The following MEI4 variants were observed in gnomAD, a reference collection of about 807,000 sequenced individuals.
MEI4 encodes the protein meiotic double-stranded break formation protein 4, also known as meiosis-specific protein MEI4.
Under a neutral mutation model 31.4 loss-of-function variants are expected in MEI4, and 27 were observed. The ratio of observed to expected loss-of-function variants is 0.86; its 90% confidence interval spans 0.63 to 1.19. MEI4 has a LOEUF of 1.19. Among genes scored for constraint, MEI4 ranks in the 50% most tolerant of loss-of-function variants. MEI4 has a pLI of 0.00. For synonymous variants in MEI4, 122 were observed against 145.4 expected (o/e 0.84, Z 1.16); for missense variants, 329 against 398.9 (o/e 0.82, Z 1.49).
chr6:77,877,924 C>G (rs1771383857), intron 4 of MEI4, among the ~76,000 whole-genome samples: 1 of 151,870 alleles, frequency 6.6e-6, no homozygotes, highest in Non-Finnish European at 1.5e-5. Flanking sequence ...TGCATTGGTA[C>G]TTTTCACAAG....
intron 4 of MEI4, among the ~76,000 whole-genome samples, chr6:77,902,014 TA>T (rs1766197117): frequency 6.6e-6 from 1 of 152,118 alleles, no homozygotes; most frequent in African/African-American, 2.4e-5. Context: ...CAATTGACCA[TA>T]AATTTGTGGA....
chr6:77,831,609 C>T (rs1207450321), intron 4 of MEI4, among the ~76,000 whole-genome samples: 1 of 151,366 alleles, frequency 6.6e-6, no homozygotes, highest in Non-Finnish European at 1.5e-5. Flanking sequence ...ATTTGCAGAG[C>T]ATGGATGGAA....
At chr6:77,795,468 G>T (rs543995704) in intron 3 of MEI4, among the ~76,000 whole-genome samples, 1 of 151,814 alleles carries the variant, frequency 6.6e-6, no homozygotes, top group Admixed American at 6.6e-5. Context: ...GTACACACAC[G>T]CACATGACAA....
chr6:77,783,931 ATATAGCAAT>A (rs35123210), intron 3 of MEI4, among the ~76,000 whole-genome samples: 31,706 of 151,792 alleles, frequency 0.21, 3,726 homozygotes, highest in African/African-American at 0.32. Context: ...AATACTGAAT[ATATAGCAAT>A]TATAGCAATT....
At chr6:77,654,512 A>G (rs1256240553) in intron 1 of MEI4, among the ~76,000 whole-genome samples, 2 of 126,700 alleles carry the variant, frequency 1.6e-5, no homozygotes, top group Non-Finnish European at 3.4e-5. Context: ...CCATAGATTC[A>G]AACCAACCAC....
In MEI4 at chr6:77,718,436, G is replaced by C. The variant is rs367579386; in HGVS notation, c.232+27533G>C. ...AGATTGTGAATTCCACAATCTTGTA[G>C]AATTTTTTTGCCCATCATTAACAAA... On this transcript the variant is annotated intron_variant, in intron 2 of 4. Transcript: ENST00000684080. Among the ~76,000 whole-genome samples, 4 of 147,786 alleles carry C rather than the reference G, an allele frequency of 2.7e-5. No homozygotes were observed. In the East Asian group the frequency reaches 5.9e-4, roughly 22 times the overall value.
chr6:77,837,811 T>C (rs1327570081), intron 4 of MEI4, among the ~76,000 whole-genome samples: 1 of 152,214 alleles, frequency 6.6e-6, no homozygotes, highest in South Asian at 2.1e-4. Flanking sequence ...TAAGGAACTG[T>C]TAATTTTTAA....
At chr6:77,907,029 T>A (rs1242823207) in intron 4 of MEI4, among the ~76,000 whole-genome samples, 2 of 62,052 alleles carry the variant, frequency 3.2e-5, no homozygotes, top group South Asian at 3.8e-4. Context: ...ATTCTAGATC[T>A]TGGCTATTTT....
intron 4 of MEI4, among the ~76,000 whole-genome samples, chr6:77,875,623 T>G (rs2137517): frequency 0.28 from 43,121 of 151,950 alleles, 6,757 homozygotes; most frequent in South Asian, 0.38. Flanking sequence ...GGAAAGGGAT[T>G]TTTATCATTA....
intron 2 of MEI4, among the ~76,000 whole-genome samples, chr6:77,695,883 T>C (rs1766022237): frequency 6.6e-6 from 1 of 152,222 alleles, no homozygotes; most frequent in Non-Finnish European, 1.5e-5. Flanking sequence ...ATATAGATTC[T>C]TCCTACCCAT....
At chr6:77,868,694 A>T (rs1353102616) in intron 4 of MEI4, among the ~76,000 whole-genome samples, 2 of 151,668 alleles carry the variant, frequency 1.3e-5, no homozygotes, top group African/African-American at 2.4e-5. Flanking sequence ...GTAAGAAGCC[A>T]TATCTAAACT....
intron 2 of MEI4, among the ~76,000 whole-genome samples, chr6:77,735,105 A>G (rs1430419631): frequency 1.3e-5 from 2 of 151,826 alleles, no homozygotes; most frequent in East Asian, 1.9e-4. Context: ...ACTGACAATT[A>G]TGTGTCTTGG....
intron 2 of MEI4, among the ~76,000 whole-genome samples, chr6:77,757,306 C>G (rs1767940950): frequency 6.6e-6 from 1 of 152,194 alleles, no homozygotes; most frequent in African/African-American, 2.4e-5. Context: ...GCATAGTTCT[C>G]TGTTGTGACA....
rs1381114661 is a variant in MEI4, at chr6:77,655,265, A to G, written c.-15+2173A>G. On this transcript the variant is annotated intron_variant, in intron 1 of 4. Coordinates refer to ENST00000684080, the MANE Select transcript of MEI4 (RefSeq NM_001322247.2). Reference sequence around the variant, plus strand: ...CTTTTTTATGGCTGCATAGTATTCCATGGTGTATATGTGCCACATTTTCTT... The same window carrying G: ...CTTTTTTATGGCTGCATAGTATTCCGTGGTGTATATGTGCCACATTTTCTT... Among the ~76,000 whole-genome samples, 13 of 152,260 alleles carry G rather than the reference A, an allele frequency of 8.5e-5. No individual in the cohort carries two copies. The East Asian group carries it at 1.5e-3, about 18-fold the overall frequency.
chr6:77,886,351 A>G (rs545185936), intron 4 of MEI4, among the ~76,000 whole-genome samples: 27 of 151,944 alleles, frequency 1.8e-4, no homozygotes, highest in African/African-American at 6.5e-4. Flanking sequence ...TGCTTTGCTC[A>G]TGTTTTCTGT....
chr6:77,781,566 A>C (rs1768597518), intron 3 of MEI4, among the ~76,000 whole-genome samples: 1 of 152,162 alleles, frequency 6.6e-6, no homozygotes, highest in African/African-American at 2.4e-5. Flanking sequence ...ATAAACATTA[A>C]ATTTTCAAAA....
At chr6:77,677,339 A>G (rs1768863137) in intron 1 of MEI4, among the ~76,000 whole-genome samples, 1 of 152,118 alleles carries the variant, frequency 6.6e-6, no homozygotes. Flanking sequence ...CCTTGCAGTT[A>G]GGTAAGAAAC....
Position 77,690,729 on chromosome 6 carries a change from AT to A in MEI4, c.59del (p.Ile20ThrfsTer48). Reference protein sequence around the residue: ...TSKLALALAIIRSKPADKSSR... With the variant: ...TSKLALALAIXRSKPADKSSR... ...AAAGCTGGCTCTGGCCTTGGCAATT[AT>A]CCGCTCAAAACCAGCAGACAAAAGC... is the stretch of plus-strand genomic sequence containing the variant. On this transcript the variant is annotated frameshift_variant, in exon 2 of 5. Coordinates refer to ENST00000684080, the MANE Select transcript of MEI4 (RefSeq NM_001322247.2). LOFTEE classifies it high-confidence loss of function. 8.1e-7 allele frequency: 1 copy of A among 1,231,640 alleles called. No individual in the cohort carries two copies. The highest frequency in any genetic ancestry group is 3.2e-5 in the East Asian group (1 of 31,702). The allele number at this position is 1,231,640 out of a possible 1,614,324, so 76.3% of individuals were successfully genotyped here.
In MEI4 at chr6:77,856,541, C is replaced by T. The variant is rs1770750337; in HGVS notation, c.900+27479C>T. Among the ~76,000 whole-genome samples the T allele has an allele frequency of 1.3e-4, 12 of 91,622 alleles. No individual in the cohort carries two copies. The South Asian group carries it at 3.8e-3, about 29-fold the overall frequency. 60.1% of individuals were successfully genotyped at this position (91,622 alleles called of 152,430 possible). ...AAGAAGGAAAATAGAGTAATGAAAA[C>T]CACCTATTTAGTGACGTGGTCATGA... On this transcript the variant is annotated intron_variant, in intron 4 of 4. Transcript: ENST00000684080.
Sources: gnomAD v4.1 joint callset for allele counts (sites outside exome capture counted in the v4.1 genomes callset) on GRCh38, gnomAD v4.1.1 for gene constraint, MANE v1.5 for transcripts, NCBI Gene and HGNC (gene_info 2026-07-23, HGNC 2026-07-21) for gene names.